Variants in CNPY1 observed in about 807,000 individuals in gnomAD.
CNPY1 encodes the protein canopy FGF signaling regulator 1, also known as protein canopy homolog 1.
CNPY1 carries 14 observed loss-of-function variants against 14.4 expected under a neutral mutation model. The observed-to-expected ratio is 0.97, with a 90% confidence interval of 0.64 to 1.52. The LOEUF (loss-of-function observed/expected upper bound fraction) is 1.52, where lower values mean the gene tolerates loss of function less well. Among genes scored for constraint, CNPY1 ranks in the 40% most tolerant of loss-of-function variants. CNPY1 has a pLI of 0.00. For synonymous variants in CNPY1, 43 were observed against 46.5 expected (o/e 0.92, Z 0.31); for missense variants, 129 against 131.5 (o/e 0.98, Z 0.09).
intron 2 of CNPY1, among the ~76,000 whole-genome samples, chr7:155,520,930 G>A (rs1029302862): frequency 4.6e-5 from 7 of 152,008 alleles, no homozygotes; most frequent in Non-Finnish European, 1.0e-4. Flanking sequence ...AGTTCAATAT[G>A]AGCCTGGCCA....
At chr7:155,534,119 C>T (rs1796991964) in intron 2 of CNPY1, among the ~76,000 whole-genome samples, 1 of 152,164 alleles carries the variant, frequency 6.6e-6, no homozygotes, top group South Asian at 2.1e-4. Flanking sequence ...GGGTTAGGGG[C>T]CCCAAAACAG....
chr7:155,520,716 C>T (rs966399456), intron 2 of CNPY1, among the ~76,000 whole-genome samples: 2 of 152,178 alleles, frequency 1.3e-5, no homozygotes, highest in East Asian at 1.9e-4. Flanking sequence ...TTAATAATCT[C>T]AAAATGACAT....
At chr7:155,508,758 G>A (rs1478128665) in intron 3 of CNPY1, 136 bp downstream of exon 3, 3 of 957,532 alleles carry the variant, frequency 3.1e-6, no homozygotes, top group Admixed American at 2.7e-5. Flanking sequence ...AACAAAGTCA[G>A]CAGATGACAT....
intron 2 of CNPY1, among the ~76,000 whole-genome samples, chr7:155,537,726 CTG>C (rs1296679459): frequency 6.6e-6 from 1 of 152,100 alleles, no homozygotes; most frequent in African/African-American, 2.4e-5. Flanking sequence ...CGTCCAGCCT[CTG>C]TTGAATATTT....
chr7:155,509,113 G>A lies in CNPY1; in HGVS notation c.100-16C>T. On this transcript the variant is annotated splice_polypyrimidine_tract_variant and intron_variant, in intron 2 of 4. Coordinates refer to ENST00000636446, the MANE Select transcript of CNPY1 (RefSeq NM_001393663.1). ...CTAGGGGGATCTAAGAAGAAAGACA[G>A]GGCGAGGAAACTTGTCTTAATGTTA... 22 of 1,475,172 alleles carry A rather than the reference G, an allele frequency of 1.5e-5. No homozygotes were observed. Among genetic ancestry groups the A allele is most frequent in the Non-Finnish European group, 2.0e-5 (22 of 1,087,330 alleles). The allele number at this position is 1,475,172 out of a possible 1,614,324, so 91.4% of individuals were successfully genotyped here.
At chr7:155,521,724 A>G (rs1209162261) in intron 2 of CNPY1, among the ~76,000 whole-genome samples, 4 of 152,270 alleles carry the variant, frequency 2.6e-5, no homozygotes, top group Non-Finnish European at 4.4e-5. Flanking sequence ...TTGTCCATAC[A>G]TAAAGTTTCG....
Position 155,509,095 on chromosome 7 carries a change from G to T in CNPY1, c.102C>A (p.Ile34=), listed in dbSNP as rs893879922. The part of the protein sequence containing the change: ...NPDGTQERRK[I]PLAQSEAFLT... ...GGAACGCCTCCGACTGAGCTAGGGG[G>T]ATCTAAGAAGAAAGACAGGGCGAGG... The change falls in exon 3 of 5, where the codon ATC becomes ATA. Residue 34 remains isoleucine (I), a splice_region_variant and synonymous_variant. Transcript: ENST00000636446. 3.9e-6 allele frequency: 6 copies of T among 1,538,774 alleles called. No individual in the cohort carries two copies. Among genetic ancestry groups the T allele is most frequent in the Non-Finnish European group, 5.3e-6 (6 of 1,139,706 alleles).
At chr7:155,511,721 C>T (rs1000039913) in intron 2 of CNPY1, among the ~76,000 whole-genome samples, 2 of 151,924 alleles carry the variant, frequency 1.3e-5, no homozygotes, top group African/African-American at 4.8e-5. Flanking sequence ...GCAGCTAGCT[C>T]GGAGACACTA....
chr7:155,504,621 CAT>C (rs1796232999), intron 4 of CNPY1, among the ~76,000 whole-genome samples: 1 of 151,776 alleles, frequency 6.6e-6, no homozygotes, highest in African/African-American at 2.4e-5. Context: ...ATTTTAACAG[CAT>C]AGAGCGTTGC....
rs1797024325 is a variant in CNPY1 at position 155,536,525 on chromosome 7, T to A, written c.99+9306A>T. 6.6e-6 allele frequency among the ~76,000 whole-genome samples: 1 copy of A among 152,162 alleles called. No individual in the cohort carries two copies. The highest frequency in any genetic ancestry group is 2.1e-4 in the South Asian group (1 of 4,828). On this transcript the variant is annotated intron_variant, in intron 2 of 4. Transcript: ENST00000636446. The surrounding 1 kb of genome is among the most constrained non-coding windows in gnomAD (Gnocchi z 4.1). ...ACACAGCTCGACTGTTTCCAGCCCT[T>A]CTTCCAACTAGGTGAGGACATGTGC... is the stretch of plus-strand genomic sequence containing the variant.
At chr7:155,518,088 GCT>G (rs1438374855) in intron 2 of CNPY1, among the ~76,000 whole-genome samples, 1 of 152,140 alleles carries the variant, frequency 6.6e-6, no homozygotes, top group African/African-American at 2.4e-5. Flanking sequence ...TTCCCGTGAA[GCT>G]CTCTCTGCCG....
In CNPY1 at chr7:155,536,616, T is replaced by G. The variant is rs1324097299; in HGVS notation, c.99+9215A>C. Among the ~76,000 whole-genome samples, 1 of 152,136 alleles carries G rather than the reference T, an allele frequency of 6.6e-6. No homozygotes were observed. The highest frequency in any genetic ancestry group is 1.5e-5 in the Non-Finnish European group (1 of 68,032). ...TCCCTGTTAGCCCTGCCTGTAAACA[T>G]TTCCCACAGAATCCTCCATGCTCTC... On this transcript the variant is annotated intron_variant, in intron 2 of 4. Coordinates refer to ENST00000636446, the MANE Select transcript of CNPY1 (RefSeq NM_001393663.1). The surrounding 1 kb of genome is among the most constrained non-coding windows in gnomAD (Gnocchi z 4.1).
intron 2 of CNPY1, among the ~76,000 whole-genome samples, chr7:155,511,512 A>T (rs943086759): frequency 6.6e-6 from 1 of 152,056 alleles, no homozygotes; most frequent in African/African-American, 2.4e-5. Flanking sequence ...CTACCAGTGG[A>T]TTGTTTTTAT....
chr7:155,509,326 A>T (rs866266226), intron 2 of CNPY1, among the ~76,000 whole-genome samples: 11 of 152,218 alleles, frequency 7.2e-5, no homozygotes, highest in African/African-American at 2.2e-4. Flanking sequence ...AAGTGCATAT[A>T]TTTCAAAGTG....
Position 155,507,052 on chromosome 7 carries a change from T to C in CNPY1, c.368A>G (p.Tyr123Cys), listed in dbSNP as rs777788821. The C allele has an allele frequency of 1.2e-6, 2 of 1,612,726 alleles. No homozygotes were observed. Among genetic ancestry groups the C allele is most frequent in the African/African-American group, 1.3e-5 (1 of 74,976 alleles). The change falls in exon 4 of 5, where the codon TAT becomes TGT. Residue 123 changes from tyrosine (Y) to cysteine (C), a missense_variant. Transcript: ENST00000636446. ...TTCACTGCACAGCTTGTCAGCTAGATAGTGTGTCTCCTGGGCGATAAGTGA... is the reference window on the plus strand; with the variant it reads ...TTCACTGCACAGCTTGTCAGCTAGACAGTGTGTCTCCTGGGCGATAAGTGA... ...ISSLIAQETHYLADKLCSEKS... is the reference protein window; with the variant it reads ...ISSLIAQETHCLADKLCSEKS...
intron 2 of CNPY1, among the ~76,000 whole-genome samples, chr7:155,513,550 G>A (rs1180682621): frequency 1.3e-5 from 2 of 151,798 alleles, no homozygotes; most frequent in Non-Finnish European, 2.9e-5. Context: ...AATAGTTTGC[G>A]AGTAAGTGTT....
Position 155,523,290 on chromosome 7 carries a change from G to A in CNPY1, c.100-14193C>T, listed in dbSNP as rs148635353. On this transcript the variant is annotated intron_variant, in intron 2 of 4. Coordinates refer to ENST00000636446, the MANE Select transcript of CNPY1 (RefSeq NM_001393663.1). ...CTGGATGAGAACAGTCTCATGTACC[G>A]GAAACCGACTCAAAGATCAGAGACA... is the stretch of plus-strand genomic sequence containing the variant. Among the ~76,000 whole-genome samples, 153 of 152,286 alleles carry A rather than the reference G, an allele frequency of 1.0e-3. 1 individual carries two copies. Among genetic ancestry groups the A allele is most frequent in the Non-Finnish European group, 1.3e-3 (87 of 68,026 alleles).
chr7:155,522,597 G>T (rs1238507952), intron 2 of CNPY1, among the ~76,000 whole-genome samples: 1 of 152,230 alleles, frequency 6.6e-6, no homozygotes, highest in African/African-American at 2.4e-5. Context: ...GATAAACCAG[G>T]TCTATCTGGA....
At chr7:155,522,245 T>C (rs887553888) in intron 2 of CNPY1, among the ~76,000 whole-genome samples, 2 of 152,110 alleles carry the variant, frequency 1.3e-5, no homozygotes, top group African/African-American at 4.8e-5. Flanking sequence ...CCTGGCGGGG[T>C]GGGTATCGCT....
Sources: allele counts gnomAD v4.1 joint callset (sites outside exome capture counted in the v4.1 genomes callset), GRCh38; gene constraint gnomAD v4.1.1; non-coding constraint Gnocchi (gnomAD v3.1); transcripts MANE v1.5; gene names NCBI Gene and HGNC (gene_info 2026-07-23, HGNC 2026-07-21).